Variants in GOLGA4 observed in about 807,000 individuals in gnomAD.
GOLGA4 encodes golgin A4, also known as golgin subfamily A member 4.
A neutral mutation model predicts 265.9 loss-of-function variants in GOLGA4; 169 were observed. That is an observed-to-expected ratio of 0.64 (90% confidence interval 0.56 to 0.72). GOLGA4 has a LOEUF of 0.72. Among genes scored for constraint, GOLGA4 ranks in the 30% least tolerant of loss-of-function variants. The probability of loss-of-function intolerance (pLI) is 0.00; values close to 1 mark genes in which losing one functional copy is unlikely to be tolerated. For missense variants in GOLGA4, 2,482 were observed against 2,483.4 expected, an observed-to-expected ratio of 1.00 and a Z score of 0.01; for synonymous variants, 923 against 855.8, an observed-to-expected ratio of 1.08 and a Z score of -1.37.
intron 3 of GOLGA4, among the ~76,000 whole-genome samples, chr3:37,283,306 T>C (rs1318865030): frequency 1.3e-5 from 2 of 152,198 alleles, no homozygotes; most frequent in South Asian, 2.1e-4. Context: ...AACAAGGCAC[T>C]AAAGCCATGT....
chr3:37,267,247 T>TA (rs1578414302), intron 2 of GOLGA4, among the ~76,000 whole-genome samples: 1 of 152,284 alleles, frequency 6.6e-6, no homozygotes, highest in Non-Finnish European at 1.5e-5. Context: ...GTTCATTAAC[T>TA]AAAAAAAGGT....
At chr3:37,345,752 G>A (rs986057846) in intron 20 of GOLGA4, among the ~76,000 whole-genome samples, 1 of 152,104 alleles carries the variant, frequency 6.6e-6, no homozygotes, top group Non-Finnish European at 1.5e-5. Flanking sequence ...TTCAAGACCA[G>A]CCTGACCAAC....
intron 23 of GOLGA4, among the ~76,000 whole-genome samples, chr3:37,362,028 C>T (rs939392982): frequency 5.9e-5 from 9 of 152,166 alleles, no homozygotes; most frequent in African/African-American, 2.2e-4. Context: ...ATGTACCATA[C>T]ATCTTTACCT....
chr3:37,264,838 G>C (rs1188599800), intron 2 of GOLGA4, among the ~76,000 whole-genome samples: 1 of 152,156 alleles, frequency 6.6e-6, no homozygotes, highest in Non-Finnish European at 1.5e-5. Context: ...TGGGACTACA[G>C]GTCTGTGTCA....
At chr3:37,279,889 A>G (rs567990105) in intron 2 of GOLGA4, among the ~76,000 whole-genome samples, 1 of 151,908 alleles carries the variant, frequency 6.6e-6, no homozygotes, top group South Asian at 2.1e-4. Flanking sequence ...CCTGGGCAAC[A>G]GAGAAAGACT....
intron 2 of GOLGA4, among the ~76,000 whole-genome samples, chr3:37,279,393 G>A (rs887179050): frequency 6.6e-6 from 1 of 152,096 alleles, no homozygotes; most frequent in Non-Finnish European, 1.5e-5. Flanking sequence ...GCTTCCCCCC[G>A]CCCTCTAGCT....
intron 17 of GOLGA4, among the ~76,000 whole-genome samples, chr3:37,336,804 GAA>G (rs2097014872): frequency 6.6e-6 from 1 of 151,668 alleles, no homozygotes; most frequent in African/African-American, 2.4e-5. Context: ...GAAAGAGAAA[GAA>G]AGAGAGAAAG....
In GOLGA4 at chr3:37,302,225, C is replaced by A; in HGVS notation, c.1127C>A (p.Thr376Asn). 6.2e-7 allele frequency: 1 copy of A among 1,613,152 alleles called. No homozygotes were observed. The highest frequency in any genetic ancestry group is 1.1e-5 in the South Asian group (1 of 91,064). ...GAGACAAAACGTCAGATGCATGAAA[C>A]CCTGGAAATGAAAGAAGAAGAAATT... ...IAETKRQMHE[T>N]LEMKEEEIAQ... The change falls in exon 10 of 24, where the codon ACC becomes AAC. Residue 376 changes from threonine (T) to asparagine (N), a missense_variant. Thr to Asn is a moderately conservative substitution (Grantham distance 65, BLOSUM62 0). Coordinates refer to ENST00000361924, the MANE Select transcript of GOLGA4 (RefSeq NM_002078.5).
chr3:37,359,778 A>C (rs1578882372), intron 22 of GOLGA4, among the ~76,000 whole-genome samples: 1 of 152,196 alleles, frequency 6.6e-6, no homozygotes, highest in East Asian at 1.9e-4. Flanking sequence ...CTAGGTACAA[A>C]AGTTTTCCAT....
chr3:37,337,650 CT>C lies in GOLGA4; in HGVS notation c.6328-11del. On this transcript the variant is annotated splice_polypyrimidine_tract_variant and intron_variant, in intron 18 of 23. Transcript: ENST00000361924. ...AAACCTATGTGCATTTCAGATCTGA[CT>C]TTTTGTTCTTTCAGACACAGCTAGC... 3 of 1,581,972 alleles carry C rather than the reference CT, an allele frequency of 1.9e-6. No homozygotes were observed. The highest frequency in any genetic ancestry group is 1.7e-6 in the Non-Finnish European group (2 of 1,150,768).
chr3:37,246,145 A>G (rs2096718953), intron 1 of GOLGA4, among the ~76,000 whole-genome samples: 2 of 151,816 alleles, frequency 1.3e-5, no homozygotes, highest in South Asian at 4.1e-4. Flanking sequence ...GAGGTCTACT[A>G]AAAATACAAA....
At chr3:37,308,308 C>T (rs1249948362) in intron 10 of GOLGA4, among the ~76,000 whole-genome samples, 1 of 151,044 alleles carries the variant, frequency 6.6e-6, no homozygotes, top group Non-Finnish European at 1.5e-5. Context: ...AAAGCATAGT[C>T]AGTTTATAGA....
At chr3:37,252,549 A>G (rs1194994528) in intron 2 of GOLGA4, among the ~76,000 whole-genome samples, 2 of 152,150 alleles carry the variant, frequency 1.3e-5, no homozygotes, top group Non-Finnish European at 2.9e-5. Context: ...ATGGTTTTCC[A>G]GAGTGGTTGT....
chr3:37,292,426 G>C (rs919380721), intron 5 of GOLGA4, among the ~76,000 whole-genome samples: 1 of 152,074 alleles, frequency 6.6e-6, no homozygotes, highest in African/African-American at 2.4e-5. Context: ...TCATGCCTAC[G>C]CCTGTAATCC....
At chr3:37,350,907 G>A (rs926656702) in intron 21 of GOLGA4, among the ~76,000 whole-genome samples, 7 of 152,130 alleles carry the variant, frequency 4.6e-5, no homozygotes, top group African/African-American at 1.7e-4. Context: ...GCTAGTGGAG[G>A]ATATTACCTC....
At chr3:37,283,733 C>G (rs989544514) in intron 3 of GOLGA4, among the ~76,000 whole-genome samples, 6 of 152,060 alleles carry the variant, frequency 3.9e-5, no homozygotes, top group Admixed American at 1.3e-4. Flanking sequence ...TGCTATGTTG[C>G]CCAGCCTGGT....
Position 37,341,352 on chromosome 3 carries a change from T to A in GOLGA4, c.6472+1153T>A, listed in dbSNP as rs551400383. On this transcript the variant is annotated intron_variant, in intron 20 of 23. Coordinates refer to ENST00000361924, the MANE Select transcript of GOLGA4 (RefSeq NM_002078.5). ...TTAAGAATAGTTTTATTTTGCTACA[T>A]GTTTTGTAAACCTTTCTGCTTTCCT... Among the ~76,000 whole-genome samples the A allele has an allele frequency of 2.0e-5, 3 of 152,358 alleles. No homozygotes were observed. In the East Asian group the frequency reaches 5.8e-4, roughly 29 times the overall value.
chr3:37,259,167 C>T (rs948808768), intron 2 of GOLGA4, among the ~76,000 whole-genome samples: 1 of 152,070 alleles, frequency 6.6e-6, no homozygotes, highest in Non-Finnish European at 1.5e-5. Context: ...TAGCTCTGTT[C>T]AGATTTTGCT....
intron 7 of GOLGA4, among the ~76,000 whole-genome samples, chr3:37,296,896 A>G (rs1429976983): frequency 2.0e-5 from 3 of 152,094 alleles, no homozygotes; most frequent in Non-Finnish European, 4.4e-5. Context: ...ATATGCAAAA[A>G]TTTCATAGTC....
Sources: allele counts gnomAD v4.1 joint callset (sites outside exome capture counted in the v4.1 genomes callset), GRCh38; gene constraint gnomAD v4.1.1; transcripts MANE v1.5; gene names NCBI Gene and HGNC (gene_info 2026-07-23, HGNC 2026-07-21).